Variants in COPB1 observed in about 807,000 individuals in gnomAD.
COPB1 encodes the protein coatomer subunit beta.
COPB1 carries 21 observed loss-of-function variants against 108.7 expected under a neutral mutation model. The ratio of observed to expected loss-of-function variants is 0.19; its 90% CI spans 0.14 to 0.28. The LOEUF is 0.28. COPB1 is among the 10% of genes least tolerant of loss of function. The probability of loss-of-function intolerance (pLI) is 1.00; values close to 1 mark genes in which losing one functional copy is unlikely to be tolerated. For synonymous variants in COPB1, 378 were observed against 386.8 expected (o/e 0.98, Z 0.27); for missense variants, 919 against 1,141.3 (o/e 0.81, Z 2.81).
At position 14,486,433 on chromosome 11, in the gene COPB1, G is replaced by A; in HGVS notation, c.771C>T (p.Ser257=). 2 of 1,614,052 alleles carry A rather than the reference G, an allele frequency of 1.2e-6. No individual in the cohort carries two copies. Among genetic ancestry groups the A allele is most frequent in the African/African-American group, 1.3e-5 (1 of 75,042 alleles). The change falls in exon 7 of 22, where the codon AGC becomes AGT. Residue 257 remains serine, a synonymous_variant. Transcript: ENST00000439561. ...CAGCAGCTTCATATTTTACAGCAGG[G>A]CTGGATGACTGTAATAAGTTATAGA... ...RCIYNLLQSS[S]PAVKYEAAGT... is the part of the protein sequence containing the mutation.
At chr11:14,499,230 A>T (rs999951462) in intron 1 of COPB1, among the ~76,000 whole-genome samples, 4 of 152,134 alleles carry the variant, frequency 2.6e-5, no homozygotes, top group African/African-American at 4.8e-5. Context: ...CCCACAGAAC[A>T]GTGACAGTCC....
chr11:14,463,808 C>CT (rs1356797614), intron 18 of COPB1, among the ~76,000 whole-genome samples: 3 of 152,164 alleles, frequency 2.0e-5, no homozygotes, highest in African/African-American at 7.2e-5. Flanking sequence ...ATCTGGAAAT[C>CT]TGAGTGTTAC....
At chr11:14,489,733 G>T (rs947954709) in intron 5 of COPB1, among the ~76,000 whole-genome samples, 3 of 152,110 alleles carry the variant, frequency 2.0e-5, no homozygotes, top group Non-Finnish European at 4.4e-5. Flanking sequence ...TGGTAATAAG[G>T]AGCTATTTTT....
intron 14 of COPB1, 187 bp downstream of exon 14, chr11:14,474,308 C>T: frequency 4.9e-6 from 2 of 408,750 alleles, no homozygotes; most frequent in South Asian, 4.8e-5. Flanking sequence ...TTTTTAAAGC[C>T]CAAACAGAAG....
chr11:14,466,758 G>T (rs192495188), intron 16 of COPB1, among the ~76,000 whole-genome samples: 54 of 152,110 alleles, frequency 3.6e-4, no homozygotes, highest in African/African-American at 1.2e-3. Flanking sequence ...TCCCAATTTT[G>T]CCAACTAAAT....
chr11:14,474,448 G>C, intron 14 of COPB1, 47 bp downstream of exon 14: 1 of 1,563,346 alleles, frequency 6.4e-7, no homozygotes, highest in Admixed American at 1.7e-5. Context: ...CATATAGTAG[G>C]CACTCAATGT....
At chr11:14,470,577 A>G (rs1169879006) in intron 14 of COPB1, among the ~76,000 whole-genome samples, 2 of 152,172 alleles carry the variant, frequency 1.3e-5, no homozygotes, top group Non-Finnish European at 2.9e-5. Context: ...GCCCTTGCCA[A>G]ATTGCCTTTG....
chr11:14,487,424 C>T (rs917689362), intron 6 of COPB1, among the ~76,000 whole-genome samples: 1 of 152,194 alleles, frequency 6.6e-6, no homozygotes, highest in Non-Finnish European at 1.5e-5. Context: ...CGCCTGTAAT[C>T]TCAGCGCTTT....
At position 14,486,391 on chromosome 11, in the gene COPB1, G is replaced by A. The variant is rs139547283; in HGVS notation, c.813C>T (p.Leu271=). 6.2e-7 allele frequency: 1 copy of A among 1,614,140 alleles called. No homozygotes were observed. Among genetic ancestry groups the A allele is most frequent in the African/African-American group, 1.3e-5 (1 of 75,048 alleles). Residue 271 remains leucine (L), a synonymous_variant, in exon 7 of 22, where the codon CTC becomes CTT. Transcript: ENST00000439561. The part of the protein sequence containing the change: ...KYEAAGTLVT[L]SSAPTAIKAA... ...CCTTGATTGCAGTTGGTGCACTAGA[G>A]AGTGTCACTAATGTCCCAGCAGCTT...
intron 13 of COPB1, among the ~76,000 whole-genome samples, chr11:14,475,408 T>C (rs1850500640): frequency 6.6e-6 from 1 of 152,180 alleles, no homozygotes; most frequent in African/African-American, 2.4e-5. Context: ...CCATTAAAAT[T>C]TACTTAATAG....
chr11:14,461,739 T>C (rs747456007), intron 18 of COPB1, among the ~76,000 whole-genome samples: 1 of 152,198 alleles, frequency 6.6e-6, no homozygotes, highest in Non-Finnish European at 1.5e-5. Context: ...GATGTTCCCA[T>C]AGGAGGTACT....
At chr11:14,486,022 T>TGAGGAG (rs527254224) in intron 7 of COPB1, among the ~76,000 whole-genome samples, 4 of 151,834 alleles carry the variant, frequency 2.6e-5, no homozygotes, top group Non-Finnish European at 5.9e-5. Flanking sequence ...CTGAGTAGGC[T>TGAGGAG]GAGGAGGAGG....
At chr11:14,486,130 G>A (rs139654170) in intron 7 of COPB1, among the ~76,000 whole-genome samples, 1 of 152,104 alleles carries the variant, frequency 6.6e-6, no homozygotes, top group Admixed American at 6.6e-5. Context: ...TCGAACCTGT[G>A]TTGTCAGAGG....
intron 5 of COPB1, 45 bp from the exon 6 acceptor site, chr11:14,488,629 T>C (rs564797040): frequency 1.2e-5 from 15 of 1,293,762 alleles, no homozygotes; most frequent in South Asian, 2.7e-5. Flanking sequence ...CCTCATTCAA[T>C]AGAAGGACTT....
At chr11:14,477,271 C>T (rs1206919237) in intron 11 of COPB1, among the ~76,000 whole-genome samples, 1 of 151,060 alleles carries the variant, frequency 6.6e-6, no homozygotes, top group Non-Finnish European at 1.5e-5. Flanking sequence ...GTAGTCCCAG[C>T]TACCCGGGAG....
At chr11:14,484,686 C>T (rs898047910) in intron 7 of COPB1, among the ~76,000 whole-genome samples, 2 of 152,128 alleles carry the variant, frequency 1.3e-5, no homozygotes, top group Non-Finnish European at 2.9e-5. Flanking sequence ...CCAGTATCTT[C>T]CAACCTGAGC....
chr11:14,469,290 C>A (rs764803493), intron 15 of COPB1, 46 bp downstream of exon 15: 1 of 1,503,516 alleles, frequency 6.7e-7, no homozygotes, highest in East Asian at 2.3e-5. Flanking sequence ...AGCCACTGCA[C>A]GAAGAGACAC....
At chr11:14,468,512 C>T (rs1310962398) in intron 16 of COPB1, among the ~76,000 whole-genome samples, 169 bp downstream of exon 16, 1 of 152,176 alleles carries the variant, frequency 6.6e-6, no homozygotes, top group Non-Finnish European at 1.5e-5. Flanking sequence ...ACAGTACTAT[C>T]ACATATAGTA....
At chr11:14,478,634 T>C (rs1479531012) in intron 11 of COPB1, among the ~76,000 whole-genome samples, 1 of 151,690 alleles carries the variant, frequency 6.6e-6, no homozygotes, top group East Asian at 1.9e-4. Context: ...AAAAAATAAA[T>C]AGAGACAAAG....
Sources: allele counts gnomAD v4.1 joint callset (sites outside exome capture counted in the v4.1 genomes callset), GRCh38; gene constraint gnomAD v4.1.1; transcripts MANE v1.5; gene names NCBI Gene and HGNC (gene_info 2026-07-23, HGNC 2026-07-21).